CHKA: variants seen among roughly 807,000 people sequenced by gnomAD.
CHKA encodes the protein CHETK-alpha.
Under a neutral mutation model 60.1 loss-of-function variants are expected in CHKA, and 34 were observed. That is an observed-to-expected ratio of 0.57 (90% CI 0.43 to 0.75). The LOEUF is 0.75. Among genes scored for constraint, CHKA ranks in the 30% least tolerant of loss-of-function variants. The pLI, the probability that CHKA is intolerant of heterozygous loss-of-function variation, is 0.00. For missense variants in CHKA, 563 were observed against 561.3 expected, an observed-to-expected ratio of 1.00 and a Z score of -0.03; for synonymous variants, 217 against 223.1, an observed-to-expected ratio of 0.97 and a Z score of 0.24.
At chr11:68,084,090 C>A (rs1857076273) in intron 2 of CHKA, among the ~76,000 whole-genome samples, 1 of 150,700 alleles carries the variant, frequency 6.6e-6, no homozygotes, top group Non-Finnish European at 1.5e-5. Context: ...ACTAAAAATA[C>A]AAAAAAATTA....
At chr11:68,055,611 T>A (rs1802604921) in intron 11 of CHKA, among the ~76,000 whole-genome samples, 1 of 152,224 alleles carries the variant, frequency 6.6e-6, no homozygotes, top group African/African-American at 2.4e-5. Flanking sequence ...TTTCAAGTTT[T>A]AGCCATCACT....
At chr11:68,074,619 G>A (rs1856724863) in intron 4 of CHKA, 98 bp downstream of exon 4, 1 of 1,030,338 alleles carries the variant, frequency 9.7e-7, no homozygotes. Flanking sequence ...GAGGTTAACA[G>A]TGAAAACACA....
intron 10 of CHKA, 101 bp from the exon 11 acceptor site, chr11:68,062,135 T>C: frequency 1.2e-6 from 1 of 830,700 alleles, no homozygotes; most frequent in South Asian, 1.6e-5. Context: ...CTTGTGTGGA[T>C]GCAAACCTAG....
intron 1 of CHKA, among the ~76,000 whole-genome samples, chr11:68,098,281 A>G (rs2153024317): frequency 6.6e-6 from 1 of 151,250 alleles, no homozygotes; most frequent in South Asian, 2.1e-4. Context: ...CAAAAAAAAA[A>G]AAAAAAAAAA....
intron 10 of CHKA, among the ~76,000 whole-genome samples, chr11:68,063,399 C>T (rs2134507751): frequency 6.6e-6 from 1 of 151,804 alleles, no homozygotes; most frequent in South Asian, 2.1e-4. Context: ...ACTTGGGAGG[C>T]TGAGGCAAGA....
chr11:68,053,660 T>C lies in CHKA; in HGVS notation c.*328A>G, dbSNP rs11538783. ...CAAAGTACCTGCAAGTAACACTGCT[T>C]ACTCTTGCTGTTTGCCTCATCTGAC... On this transcript the variant is annotated 3_prime_UTR_variant, in exon 12 of 12. Transcript: ENST00000265689. 15,630 of 289,928 alleles carry C rather than the reference T, an allele frequency of 0.054. 557 individuals are homozygous for C. Among genetic ancestry groups the C allele is most frequent in the Non-Finnish European group, 0.07 (10,613 of 152,304 alleles). 18.0% of individuals were successfully genotyped at this position (289,928 alleles called of 1,614,324 possible).
chr11:68,112,957 C>CTGTAG (rs1240623203), intron 1 of CHKA, among the ~76,000 whole-genome samples: 1 of 151,790 alleles, frequency 6.6e-6, no homozygotes, highest in African/African-American at 2.4e-5. Context: ...TGGCAGCCGC[C>CTGTAG]TGTAGTCCCA....
intron 1 of CHKA, among the ~76,000 whole-genome samples, chr11:68,113,641 G>C (rs530723308): frequency 7.2e-5 from 11 of 152,214 alleles, no homozygotes; most frequent in African/African-American, 2.6e-4. Flanking sequence ...GTTGCAGTGA[G>C]CCAAGATCAC....
intron 1 of CHKA, among the ~76,000 whole-genome samples, chr11:68,119,051 A>C (rs1858502316): frequency 6.6e-6 from 1 of 152,208 alleles, no homozygotes; most frequent in African/African-American, 2.4e-5. Flanking sequence ...CATTTCACAG[A>C]CTGATGAGTA....
chr11:68,091,748 G>A (rs1445653482), intron 2 of CHKA, among the ~76,000 whole-genome samples: 1 of 152,098 alleles, frequency 6.6e-6, no homozygotes, highest in African/African-American at 2.4e-5. Context: ...ATGCCAAGAT[G>A]AAGAAAAATG....
intron 11 of CHKA, among the ~76,000 whole-genome samples, chr11:68,057,972 CCT>C (rs1157440569): frequency 6.6e-6 from 1 of 152,064 alleles, no homozygotes; most frequent in Non-Finnish European, 1.5e-5. Context: ...TCACAGCTCC[CCT>C]GACTTCCCAG....
At chr11:68,066,936 G>C (rs916753236) in intron 7 of CHKA, among the ~76,000 whole-genome samples, 3 of 152,234 alleles carry the variant, frequency 2.0e-5, no homozygotes, top group African/African-American at 7.2e-5. Flanking sequence ...ACTCCAGCTG[G>C]GAAGCTGTGG....
intron 11 of CHKA, among the ~76,000 whole-genome samples, chr11:68,055,668 A>C (rs542784294): frequency 6.6e-6 from 1 of 152,112 alleles, no homozygotes; most frequent in African/African-American, 2.4e-5. Context: ...ACATTTCTTT[A>C]ATGACTAATT....
chr11:68,118,388 C>T (rs1858474434), intron 1 of CHKA, among the ~76,000 whole-genome samples: 1 of 152,134 alleles, frequency 6.6e-6, no homozygotes. Context: ...CTACAGTGAG[C>T]TGTGATCACA....
At chr11:68,058,742 C>T (rs987663242) in intron 11 of CHKA, among the ~76,000 whole-genome samples, 1 of 152,156 alleles carries the variant, frequency 6.6e-6, no homozygotes, top group South Asian at 2.1e-4. Flanking sequence ...CCTATATTTC[C>T]TTTCTTTGTC....
At chr11:68,095,965 G>A (rs1032682406) in intron 2 of CHKA, among the ~76,000 whole-genome samples, 12 of 151,562 alleles carry the variant, frequency 7.9e-5, no homozygotes, top group African/African-American at 1.9e-4. Flanking sequence ...GCTTGAACCC[G>A]GGAGGCAGAG....
intron 2 of CHKA, among the ~76,000 whole-genome samples, chr11:68,082,332 G>A (rs1857013916): frequency 6.6e-6 from 1 of 152,070 alleles, no homozygotes; most frequent in African/African-American, 2.4e-5. Flanking sequence ...AGAAACTTGT[G>A]TCACGTCAAA....
chr11:68,087,550 C>CTGAA lies in CHKA; in HGVS notation c.463-6097_463-6094dup, dbSNP rs1483669466. On this transcript the variant is annotated intron_variant, in intron 2 of 11. Coordinates refer to ENST00000265689, the MANE Select transcript of CHKA (RefSeq NM_001277.3). ...ACTATGTTAAATATAATGGTGGCTG[C>CTGAA]TGAACTAAAATGATATATAAATAAG... 7.9e-5 allele frequency among the ~76,000 whole-genome samples: 12 copies of CTGAA among 151,662 alleles called. No homozygotes were observed. In the East Asian group the frequency reaches 2.3e-3, roughly 29 times the overall value.
chr11:68,083,807 C>CCT (rs769565980), intron 2 of CHKA, among the ~76,000 whole-genome samples: 1 of 152,166 alleles, frequency 6.6e-6, no homozygotes, highest in Non-Finnish European at 1.5e-5. Flanking sequence ...AATATCCAGC[C>CCT]CTCTGTTCTG....
Sources: gnomAD v4.1 joint callset for allele counts (sites outside exome capture counted in the v4.1 genomes callset) on GRCh38, gnomAD v4.1.1 for gene constraint, MANE v1.5 for transcripts, NCBI Gene and HGNC (gene_info 2026-07-23, HGNC 2026-07-21) for gene names.